HECTD4: variants seen among roughly 807,000 people sequenced by gnomAD.
HECTD4 encodes the protein probable E3 ubiquitin-protein ligase HECTD4.
HECTD4 carries 114 observed loss-of-function variants against 471.5 expected under a neutral mutation model. The observed-to-expected ratio is 0.24, with a 90% confidence interval of 0.21 to 0.28. The LOEUF is 0.28. Among genes scored for constraint, HECTD4 ranks in the 10% least tolerant of loss-of-function variants. HECTD4 has a pLI of 1.00. For synonymous variants in HECTD4, 2,012 were observed against 2,256.0 expected (o/e 0.89, Z 3.07); for missense variants, 3,866 against 5,651.5 (o/e 0.68, Z 10.13).
chr12:112,177,377 A>ATT lies in HECTD4; in HGVS notation c.11364-677_11364-676dup, dbSNP rs766400935. Among the ~76,000 whole-genome samples, 650 of 127,246 alleles carry ATT rather than the reference A, an allele frequency of 5.1e-3. 15 individuals are homozygous for ATT. The highest frequency in any genetic ancestry group is 0.018 in the African/African-American group (599 of 33,602). The allele number at this position is 127,246 out of a possible 152,430, so 83.5% of individuals were successfully genotyped here. ...TCCATACATGGAATGTTATGAGGCT[A>ATT]TTTTTTTTTTTTTTTTTTTTGAGAC... On this transcript the variant is annotated intron_variant, in intron 64 of 75. Coordinates refer to ENST00000682272, the MANE Select transcript of HECTD4 (RefSeq NM_001388303.1).
At chr12:112,372,360 C>T (rs987431683) in intron 1 of HECTD4, among the ~76,000 whole-genome samples, 49 of 151,964 alleles carry the variant, frequency 3.2e-4, no homozygotes, top group African/African-American at 9.9e-4. Flanking sequence ...CCTGGGTTCA[C>T]GCCGTTCTCC....
At chr12:112,233,214 CTTTTTTTTTTTTTTT>C in intron 37 of HECTD4, 129 bp from the exon 38 acceptor site, 1 of 235,216 alleles carries the variant, frequency 4.3e-6, no homozygotes. Context: ...CTAACATTAG[CTTTTTTTTTTTTTTT>C]TTTTTTTTTT....
chr12:112,273,035 A>G (rs932270976), intron 11 of HECTD4, among the ~76,000 whole-genome samples: 6 of 152,118 alleles, frequency 3.9e-5, no homozygotes, highest in Non-Finnish European at 8.8e-5. Context: ...TCTTACCCAA[A>G]GTTCAAGGTT....
At chr12:112,252,011 A>T (rs1055309349) in intron 23 of HECTD4, among the ~76,000 whole-genome samples, 1 of 152,148 alleles carries the variant, frequency 6.6e-6, no homozygotes, top group Non-Finnish European at 1.5e-5. Context: ...ACCTCAGCTG[A>T]TTCACCTGCC....
At chr12:112,172,281 A>T (rs1351060032) in intron 67 of HECTD4, among the ~76,000 whole-genome samples, 1 of 152,242 alleles carries the variant, frequency 6.6e-6, no homozygotes, top group Non-Finnish European at 1.5e-5. Flanking sequence ...TAACAAAAAC[A>T]TGGTGTTCCC....
At chr12:112,178,863 C>T in intron 64 of HECTD4, 68 bp downstream of exon 64, 1 of 1,512,040 alleles carries the variant, frequency 6.6e-7, no homozygotes, top group African/African-American at 1.4e-5. Flanking sequence ...GCCCCTCAGG[C>T]TCCTGCTCGG....
Position 112,259,178 on chromosome 12 carries a change from T to C in HECTD4, c.2961A>G (p.Leu987=). The C allele has an allele frequency of 6.2e-7, 1 of 1,613,926 alleles. No individual in the cohort carries two copies. The highest frequency in any genetic ancestry group is 1.1e-5 in the South Asian group (1 of 91,072). ...GGGCATCCGCCATGATCAGAGTCTG[T>C]AAATTTGGATGCATCAAGGAGGTCA... The part of the protein sequence containing the change: ...VLLTSLMHPN[L]QTLIMADALM... The change falls in exon 19 of 76, where the codon TTA becomes TTG. Residue 987 remains leucine, a synonymous_variant. Transcript: ENST00000682272.
intron 48 of HECTD4, among the ~76,000 whole-genome samples, chr12:112,214,652 C>T (rs1376742719): frequency 6.6e-6 from 1 of 152,170 alleles, no homozygotes; most frequent in East Asian, 1.9e-4. Context: ...GATAAAACAA[C>T]AAATACAGCA....
In HECTD4 at chr12:112,226,686, T is replaced by G; in HGVS notation, c.6927A>C (p.Ala2309=). The G allele has an allele frequency of 6.2e-7, 1 of 1,613,298 alleles. No individual in the cohort carries two copies. The highest frequency in any genetic ancestry group is 8.5e-7 in the Non-Finnish European group (1 of 1,179,572). ...FCEEFIQQCP[A]AVEVLNLVAQ... ...CTACTAGGTTAAGAACTTCAACAGC[T>G]GCTGGACATTGTTGTATGAATTCTT... Residue 2309 remains alanine (A), a synonymous_variant, in exon 44 of 76, where the codon GCA becomes GCC. Transcript: ENST00000682272.
rs749220155 is a variant in HECTD4 at position 112,172,788 on chromosome 12, C to A, written c.11668G>T (p.Val3890Leu). Reference sequence around the variant, plus strand: ...CGGCATAGCTGGTTGATGTACTGCACAAGTGCCACGTCCATCTCCAGGGTC... The same window carrying A: ...CGGCATAGCTGGTTGATGTACTGCAAAAGTGCCACGTCCATCTCCAGGGTC... ...KWTLEMDVAL[V>L]QYINQLCRHL... Residue 3890 changes from valine to leucine, a missense_variant, in exon 67 of 76, where the codon GTG (valine) becomes TTG (leucine). By Grantham distance (32) the Val-to-Leu change is conservative. This residue lies in a region of HECTD4 where 715 missense variants were observed against 1,087.6 expected (regional missense o/e 0.66). Coordinates refer to ENST00000682272, the MANE Select transcript of HECTD4 (RefSeq NM_001388303.1). 6.2e-7 allele frequency: 1 copy of A among 1,613,876 alleles called. No homozygotes were observed.
At chr12:112,291,135 AT>A (rs1431589706) in intron 7 of HECTD4, among the ~76,000 whole-genome samples, 2 of 152,120 alleles carry the variant, frequency 1.3e-5, no homozygotes, top group African/African-American at 4.8e-5. Context: ...TAATACTAAA[AT>A]ATACACAAAA....
At position 112,243,843 on chromosome 12, in the gene HECTD4, G is replaced by A. The variant is rs1188624673; in HGVS notation, c.4649+31C>T. 1 of 1,611,962 alleles carries A rather than the reference G, an allele frequency of 6.2e-7. No individual in the cohort carries two copies. Among genetic ancestry groups the A allele is most frequent in the Non-Finnish European group, 8.5e-7 (1 of 1,178,378 alleles). On this transcript the variant is annotated intron_variant, in intron 30 of 75. Coordinates refer to ENST00000682272, the MANE Select transcript of HECTD4 (RefSeq NM_001388303.1). The surrounding 1 kb of genome is among the most constrained non-coding windows in gnomAD (Gnocchi z 6.6). ...TTGATGAATGCATTCAGCTGCATGT[G>A]GGAACCCAACCCCGGCCATTAGCCA...
chr12:112,264,172 T>C lies in HECTD4; in HGVS notation c.2660A>G (p.Asn887Ser). The C allele has an allele frequency of 6.2e-7, 1 of 1,606,286 alleles. No individual in the cohort carries two copies. Among genetic ancestry groups the C allele is most frequent in the Non-Finnish European group, 8.5e-7 (1 of 1,176,202 alleles). ...SCLRYLMAVQ[N>S]HLLSNTILIK... ...CAAAATAGTGTTACTGAGAAGGTGA[T>C]TCTGAACTGCCATCAGATAGCGCAG... The change falls in exon 17 of 76, where the codon AAT (asparagine) becomes AGT (serine). Residue 887 changes from asparagine (N) to serine (S), a missense_variant. Physicochemically the swap from Asn to Ser is conservative, Grantham distance 46. Transcript: ENST00000682272.
chr12:112,165,631 G>A (rs1029392849), intron 72 of HECTD4, among the ~76,000 whole-genome samples: 1 of 151,720 alleles, frequency 6.6e-6, no homozygotes, highest in Non-Finnish European at 1.5e-5. Flanking sequence ...GATTACAGGC[G>A]TGAGCCACCG....
chr12:112,192,824 G>A (rs2032124567), intron 58 of HECTD4, 59 bp from the exon 59 acceptor site: 1 of 1,417,062 alleles, frequency 7.1e-7, no homozygotes, highest in Non-Finnish European at 9.6e-7. Context: ...ATGGGGACAG[G>A]CAGCTTTGCC....
chr12:112,175,688 A>C, intron 66 of HECTD4, 48 bp downstream of exon 66: 1 of 1,588,568 alleles, frequency 6.3e-7, no homozygotes, highest in Non-Finnish European at 8.6e-7. Flanking sequence ...TTGGCTGAAA[A>C]CAATTTCTAT....
chr12:112,364,005 A>AC (rs2036508680), intron 1 of HECTD4, among the ~76,000 whole-genome samples: 1 of 150,866 alleles, frequency 6.6e-6, no homozygotes, highest in Non-Finnish European at 1.5e-5. Context: ...AAAAAAAAAA[A>AC]AAAAAAAAAA....
In HECTD4 at chr12:112,163,375, T is replaced by C; in HGVS notation, c.12898-111A>G. On this transcript the variant is annotated intron_variant, in intron 74 of 75. Transcript: ENST00000682272. This position sits in a 1 kb window ranked among gnomAD's most constrained non-coding sequence, Gnocchi z 8.2. ...CAATCCTGGGGCAGGGTGCAACGTG[T>C]GGGCTGTGAGCACAGGGAGATGACA... is the stretch of plus-strand genomic sequence containing the variant. The C allele has an allele frequency of 8.8e-7, 1 of 1,130,822 alleles. No homozygotes were observed. The allele number at this position is 1,130,822 out of a possible 1,614,324, so 70.0% of individuals were successfully genotyped here. A position where few individuals can be genotyped will look rare whatever the true frequency, so the allele number is the denominator to read the frequency against.
chr12:112,302,959 G>T (rs1054096910), intron 7 of HECTD4, among the ~76,000 whole-genome samples: 1 of 147,604 alleles, frequency 6.8e-6, no homozygotes, highest in Non-Finnish European at 1.5e-5. Context: ...TGTTTGTTTG[G>T]GTTTTTATTT....
Sources: gnomAD v4.1 joint callset for allele counts (sites outside exome capture counted in the v4.1 genomes callset) on GRCh38, gnomAD v4.1.1 for gene constraint, gnomAD v4.1.1 regional missense constraint, Gnocchi (gnomAD v3.1) non-coding constraint, MANE v1.5 for transcripts, NCBI Gene and HGNC (gene_info 2026-07-23, HGNC 2026-07-21) for gene names.